The following RBPJ variants were observed in gnomAD, a reference collection of about 807,000 sequenced individuals.
The protein encoded by RBPJ is recombining binding protein suppressor of hairless.
In RBPJ, 9 loss-of-function variants were observed where a neutral mutation model predicts 67.8. The ratio of observed to expected loss-of-function variants is 0.13; its 90% CI spans 0.08 to 0.23. The LOEUF (loss-of-function observed/expected upper bound fraction) is 0.23, where lower values mean the gene tolerates loss of function less well. RBPJ is among the 10% of genes least tolerant of loss of function. RBPJ has a pLI of 1.00. For missense variants in RBPJ, 305 were observed against 595.6 expected (o/e 0.51, Z 5.08); for synonymous variants, 198 against 203.3 (o/e 0.97, Z 0.22).
At position 26,431,359 on chromosome 4, in the gene RBPJ, A is replaced by G. The variant is rs1736222014; in HGVS notation, c.*352A>G. 9.8e-6 allele frequency: 2 copies of G among 204,562 alleles called. No homozygotes were observed. Among genetic ancestry groups the G allele is most frequent in the African/African-American group, 4.7e-5 (2 of 42,500 alleles). The allele number at this position is 204,562 out of a possible 1,614,324, so 12.7% of individuals were successfully genotyped here. ...ACAAGTTGAACAAACTAGAAGACAC[A>G]AATCTAACATAGTTTTTATGGACCA... On this transcript the variant is annotated 3_prime_UTR_variant, in exon 11 of 11. Transcript: ENST00000355476.
At chr4:26,366,176 G>A (rs947088292) in intron 1 of RBPJ, among the ~76,000 whole-genome samples, 1 of 152,142 alleles carries the variant, frequency 6.6e-6, no homozygotes, top group Non-Finnish European at 1.5e-5. Flanking sequence ...TTATCAACTG[G>A]AAAACTATGA....
intron 1 of RBPJ, among the ~76,000 whole-genome samples, chr4:26,366,219 G>T (rs1285659736): frequency 6.6e-6 from 1 of 152,090 alleles, no homozygotes; most frequent in Non-Finnish European, 1.5e-5. Flanking sequence ...TTGCCAAGCT[G>T]ACCTCAGCCA....
Position 26,206,963 on chromosome 4 carries a change from A to T in RBPJ, c.-167+43349A>T, listed in dbSNP as rs141697253. Among the ~76,000 whole-genome samples the T allele has an allele frequency of 5.5e-3, 836 of 152,202 alleles. 7 individuals carry two copies. The highest frequency in any genetic ancestry group is 0.019 in the African/African-American group (791 of 41,536). On this transcript the variant is annotated intron_variant, in intron 1 of 4. Transcript: ENST00000512351. ...AATCATGAACTCCAGTTGCACAGGT[A>T]ACTAAGGTCTGCTTTTCTGCTCCAG...
In RBPJ at chr4:26,410,025, A is replaced by AT. The variant is rs555251380; in HGVS notation, c.155+3762dup. On this transcript the variant is annotated intron_variant, in intron 3 of 10. Coordinates refer to ENST00000355476, the MANE Select transcript of RBPJ (RefSeq NM_015874.6). The stretch of plus-strand genomic sequence containing the variant: ...AGGGGAAACCCATTAAATTTACTTG[A>AT]TTTTTTTAAAAAACAGGTGTTAGTA... 2,689 of 454,836 alleles carry AT rather than the reference A, an allele frequency of 5.9e-3. 10 individuals carry two copies. The highest frequency in any genetic ancestry group is 8.5e-3 in the Non-Finnish European group (1,920 of 226,532). The allele number at this position is 454,836 out of a possible 1,614,324, so 28.2% of individuals were successfully genotyped here. A position where few individuals can be genotyped will look rare whatever the true frequency, so the allele number is the denominator to read the frequency against.
chr4:26,244,309 A>ATGTGTACACATATG (rs1553852729), intron 1 of RBPJ, among the ~76,000 whole-genome samples: 4 of 77,076 alleles, frequency 5.2e-5, no homozygotes, highest in African/African-American at 1.9e-4. Context: ...GTGTACACAT[A>ATGTGTACACATATG]TGTGTGTATA....
At chr4:26,332,026 T>G (rs373752462) in intron 1 of RBPJ, among the ~76,000 whole-genome samples, 11 of 152,388 alleles carry the variant, frequency 7.2e-5, no homozygotes, top group African/African-American at 2.4e-4. Context: ...TTCTCTTGAC[T>G]ATGGGATTCA....
At chr4:26,346,710 C>G (rs185893034) in intron 1 of RBPJ, among the ~76,000 whole-genome samples, 1 of 152,082 alleles carries the variant, frequency 6.6e-6, no homozygotes, top group East Asian at 1.9e-4. Flanking sequence ...CTGTATTGGC[C>G]GGGCGCTGCG....
intron 1 of RBPJ, among the ~76,000 whole-genome samples, chr4:26,291,614 T>C (rs1721672831): frequency 6.7e-6 from 1 of 149,972 alleles, no homozygotes; most frequent in South Asian, 2.1e-4. Flanking sequence ...TCTCGCTCTG[T>C]CGCCCAGGCC....
chr4:26,276,868 C>T (rs1453431426), intron 1 of RBPJ, among the ~76,000 whole-genome samples: 1 of 152,176 alleles, frequency 6.6e-6, no homozygotes, highest in East Asian at 1.9e-4. Flanking sequence ...GAGTCAAAAA[C>T]TGCCTTTCTT....
intron 1 of RBPJ, among the ~76,000 whole-genome samples, chr4:26,250,380 G>A (rs908509553): frequency 1.5e-5 from 2 of 129,790 alleles, no homozygotes; most frequent in African/African-American, 3.0e-5. Context: ...CACCCAGGCT[G>A]TAGTACAGTA....
At chr4:26,324,858 T>C (rs971688102) in intron 1 of RBPJ, among the ~76,000 whole-genome samples, 2 of 152,226 alleles carry the variant, frequency 1.3e-5, no homozygotes, top group African/African-American at 4.8e-5. Context: ...CAAATGGTAG[T>C]ACAACATGCT....
chr4:26,256,505 G>A (rs1376589869), intron 1 of RBPJ, among the ~76,000 whole-genome samples: 1 of 152,114 alleles, frequency 6.6e-6, no homozygotes, highest in Non-Finnish European at 1.5e-5. Flanking sequence ...CCTTGTAAAT[G>A]TTTAACTTTT....
At chr4:26,292,270 A>G (rs371123052) in intron 1 of RBPJ, among the ~76,000 whole-genome samples, 2 of 150,598 alleles carry the variant, frequency 1.3e-5, no homozygotes, top group Non-Finnish European at 3.0e-5. Context: ...CTCTGCTTCT[A>G]TGAGTTCAAC....
upstream of RBPJ, among the ~76,000 whole-genome samples, chr4:26,160,449 A>G (rs1460438795): frequency 1.3e-5 from 2 of 152,190 alleles, no homozygotes; most frequent in African/African-American, 2.4e-5. Flanking sequence ...CCCCAGATTT[A>G]TTTACCCACA....
At chr4:26,224,086 T>C (rs78351526) in intron 1 of RBPJ, among the ~76,000 whole-genome samples, 4,466 of 152,310 alleles carry the variant, frequency 0.029, 84 homozygotes, top group Non-Finnish European at 0.048. Context: ...TTGATATTAT[T>C]AGTATTGATA....
At chr4:26,275,988 T>C (rs573160564) in intron 1 of RBPJ, among the ~76,000 whole-genome samples, 10 of 150,958 alleles carry the variant, frequency 6.6e-5, no homozygotes, top group Admixed American at 6.6e-5. Flanking sequence ...TTTAAAGCTA[T>C]TGTAGGCTGG....
At position 26,184,961 on chromosome 4, in the gene RBPJ, G is replaced by A. The variant is rs189214105; in HGVS notation, c.-167+21347G>A. Among the ~76,000 whole-genome samples, 31 of 152,144 alleles carry A rather than the reference G, an allele frequency of 2.0e-4. No homozygotes were observed. In the East Asian group the frequency reaches 5.8e-3, roughly 28 times the overall value. ...GTTCGAGACCAGCCTGGCCAACATG[G>A]CAAAGCCCCGTCTCTACTAAAAATA... is the stretch of plus-strand genomic sequence containing the variant. On this transcript the variant is annotated intron_variant, in intron 1 of 4. Transcript: ENST00000512351.
chr4:26,279,516 T>C (rs1362716786), intron 1 of RBPJ, among the ~76,000 whole-genome samples: 3 of 152,176 alleles, frequency 2.0e-5, no homozygotes, highest in Non-Finnish European at 4.4e-5. Context: ...GACCTCGTGA[T>C]CCACCCGCCT....
intron 1 of RBPJ, among the ~76,000 whole-genome samples, chr4:26,324,348 C>T (rs968993675): frequency 1.1e-4 from 16 of 151,640 alleles, no homozygotes; most frequent in Non-Finnish European, 5.9e-5. Context: ...CCCCCATAAA[C>T]TTATAGGGAA....
Sources: gnomAD v4.1 joint callset for allele counts (sites outside exome capture counted in the v4.1 genomes callset) on GRCh38, gnomAD v4.1.1 for gene constraint, MANE v1.5 for transcripts, NCBI Gene and HGNC (gene_info 2026-07-23, HGNC 2026-07-21) for gene names.